RAPGEF1: variants seen among roughly 807,000 people sequenced by gnomAD.
The protein encoded by RAPGEF1 is Rap guanine nucleotide exchange factor 1, also known as CRK SH3-binding GNRP.
Under a neutral mutation model 143.3 loss-of-function variants are expected in RAPGEF1, and 33 were observed. The ratio of observed to expected loss-of-function variants is 0.23; its 90% CI spans 0.17 to 0.31. The LOEUF is 0.31. RAPGEF1 is among the 10% of genes least tolerant of loss of function. The pLI is 1.00. For missense variants in RAPGEF1, 1,199 were observed against 1,645.4 expected (o/e 0.73, Z 4.69); for synonymous variants, 629 against 676.5 (o/e 0.93, Z 1.09).
At chr9:131,700,409 T>C (rs1834540194) in intron 1 of RAPGEF1, among the ~76,000 whole-genome samples, 1 of 152,180 alleles carries the variant, frequency 6.6e-6, no homozygotes, top group African/African-American at 2.4e-5. Context: ...TCCCCTTCCC[T>C]GGCTCCTCTA....
chr9:131,694,722 C>A (rs1019000527), intron 1 of RAPGEF1, among the ~76,000 whole-genome samples: 2 of 151,832 alleles, frequency 1.3e-5, no homozygotes, highest in Non-Finnish European at 2.9e-5. Context: ...AGCTCTGCAA[C>A]CTGACCCCAT....
intron 11 of RAPGEF1, among the ~76,000 whole-genome samples, chr9:131,620,020 A>G (rs1028564396): frequency 8.5e-5 from 13 of 152,164 alleles, no homozygotes; most frequent in African/African-American, 2.9e-4. Flanking sequence ...GAGCTGTGGC[A>G]GGGACCATGT....
At chr9:131,717,427 G>A (rs761961004) in intron 1 of RAPGEF1, among the ~76,000 whole-genome samples, 5 of 152,186 alleles carry the variant, frequency 3.3e-5, no homozygotes, top group East Asian at 3.9e-4. Flanking sequence ...CTGGGCTCTG[G>A]TGAAATAGCA....
At chr9:131,730,563 C>T (rs533077861) in intron 1 of RAPGEF1, among the ~76,000 whole-genome samples, 25 of 151,416 alleles carry the variant, frequency 1.7e-4, no homozygotes, top group Admixed American at 5.3e-4. Context: ...GGCGTGGTGG[C>T]GGGCGCCTGT....
At chr9:131,591,880 G>A (rs1436367316) in intron 18 of RAPGEF1, among the ~76,000 whole-genome samples, 1 of 152,288 alleles carries the variant, frequency 6.6e-6, no homozygotes, top group East Asian at 1.9e-4. Context: ...CATTTCACTC[G>A]GCCCTTTTAG....
At position 131,604,913 on chromosome 9, in the gene RAPGEF1, T is replaced by TGTGC. The variant is rs1554815959; in HGVS notation, c.2319+17_2319+18insGCAC. 28 of 1,287,306 alleles carry TGTGC rather than the reference T, an allele frequency of 2.2e-5. No homozygotes were observed. The highest frequency in any genetic ancestry group is 2.8e-5 in the Non-Finnish European group (27 of 978,362). The allele number at this position is 1,287,306 out of a possible 1,614,324, so 79.7% of individuals were successfully genotyped here. A position where few individuals can be genotyped will look rare whatever the true frequency, so the allele number is the denominator to read the frequency against. ...GTGTGTGTGTGTGTGTGTGTGTGTGTGCACGCTGAGTTCTCACCGAGTCAG... is the reference window on the plus strand; with the variant it reads ...GTGTGTGTGTGTGTGTGTGTGTGTGTGTGCGCACGCTGAGTTCTCACCGAGTCAG... On this transcript the variant is annotated intron_variant, in intron 13 of 26. Coordinates refer to ENST00000683357, the MANE Select transcript of RAPGEF1 (RefSeq NM_001377935.1).
chr9:131,687,236 G>A (rs559650323), intron 1 of RAPGEF1, among the ~76,000 whole-genome samples: 86 of 152,196 alleles, frequency 5.7e-4, no homozygotes, highest in African/African-American at 1.9e-3. Context: ...TGTCCTCCCC[G>A]CTTGAATGCA....
At position 131,626,301 on chromosome 9, in the gene RAPGEF1, T is replaced by A. The variant is rs139099963; in HGVS notation, c.1323A>T (p.Pro441=). The A allele has an allele frequency of 6.2e-7, 1 of 1,613,744 alleles. No homozygotes were observed. Among genetic ancestry groups the A allele is most frequent in the Non-Finnish European group, 8.5e-7 (1 of 1,179,864 alleles). ...LPESLGESGS[P]FLGPPFQLPL... Reference sequence around the variant, plus strand: ...GCAGCTGGAAAGGAGGGCCAAGAAATGGAGACCCAGACTCCCCCAAAGACT... The same window carrying A: ...GCAGCTGGAAAGGAGGGCCAAGAAAAGGAGACCCAGACTCCCCCAAAGACT... The change falls in exon 10 of 27, where the codon CCA becomes CCT. Residue 441 remains proline (P), a synonymous_variant. Coordinates refer to ENST00000683357, the MANE Select transcript of RAPGEF1 (RefSeq NM_001377935.1).
chr9:131,739,798 CG>C lies in RAPGEF1; in HGVS notation c.32del (p.Pro11ArgfsTer22). On this transcript the variant is annotated frameshift_variant, in exon 1 of 27. Transcript: ENST00000683357. LOFTEE classifies it high-confidence loss of function. MSGGLGLRRS[P>X]EMSGKIEKAD... ...CTTTCTCGATCTTGCCGGACATTTC[CG>C]GGCTGCGCCGGAGGCCGAGGCCGCC... 1 of 1,160,216 alleles carries C rather than the reference CG, an allele frequency of 8.6e-7. No homozygotes were observed. Among genetic ancestry groups the C allele is most frequent in the South Asian group, 1.8e-5 (1 of 55,588 alleles). The allele number at this position is 1,160,216 out of a possible 1,614,324, so 71.9% of individuals were successfully genotyped here. A position where few individuals can be genotyped will look rare whatever the true frequency, so the allele number is the denominator to read the frequency against.
chr9:131,735,754 C>T (rs547405834), intron 1 of RAPGEF1, among the ~76,000 whole-genome samples: 92 of 152,194 alleles, frequency 6.0e-4, no homozygotes, highest in African/African-American at 1.8e-3. Context: ...TGGGAGTGTC[C>T]GCCACCTGAC....
chr9:131,704,454 C>T (rs2131149418), intron 1 of RAPGEF1, among the ~76,000 whole-genome samples: 1 of 152,154 alleles, frequency 6.6e-6, no homozygotes, highest in Admixed American at 6.5e-5. Context: ...GCAAATCCCA[C>T]AATCTGCCAA....
At chr9:131,722,960 G>C (rs1359545496) in intron 1 of RAPGEF1, among the ~76,000 whole-genome samples, 1 of 152,260 alleles carries the variant, frequency 6.6e-6, no homozygotes, top group Non-Finnish European at 1.5e-5. Flanking sequence ...TTGGGAGGCT[G>C]AGGCTGGCAG....
chr9:131,601,103 C>T (rs1003732134), intron 15 of RAPGEF1, among the ~76,000 whole-genome samples: 4 of 133,416 alleles, frequency 3.0e-5, no homozygotes, highest in East Asian at 2.3e-4. Context: ...GCCCGGGAGG[C>T]GGAAGTTGCA....
intron 10 of RAPGEF1, 39 bp from the exon 11 acceptor site, chr9:131,622,037 A>C (rs1262799403): frequency 6.4e-7 from 1 of 1,564,148 alleles, no homozygotes; most frequent in Non-Finnish European, 8.7e-7. Flanking sequence ...AGGCCGGGGG[A>C]GGCCACATCA....
At chr9:131,604,108 C>G in intron 13 of RAPGEF1, 55 bp from the exon 14 acceptor site, 1 of 1,167,390 alleles carries the variant, frequency 8.6e-7, no homozygotes, top group African/African-American at 1.6e-5. Flanking sequence ...CCAGCCGGCC[C>G]TCACAGCTGG....
intron 1 of RAPGEF1, among the ~76,000 whole-genome samples, chr9:131,702,031 A>T (rs1048930620): frequency 6.6e-6 from 1 of 152,208 alleles, no homozygotes; most frequent in Non-Finnish European, 1.5e-5. Flanking sequence ...GACGTTCTAC[A>T]CTAGTTGATT....
chr9:131,644,224 G>C (rs986339918), intron 3 of RAPGEF1, among the ~76,000 whole-genome samples: 1 of 152,056 alleles, frequency 6.6e-6, no homozygotes, highest in Non-Finnish European at 1.5e-5. Flanking sequence ...GGGAGGCCTT[G>C]GATCCAGTTG....
At chr9:131,739,742 A>T in intron 1 of RAPGEF1, 28 bp downstream of exon 1, 1 of 1,114,400 alleles carries the variant, frequency 9.0e-7, no homozygotes, top group Non-Finnish European at 1.1e-6. Flanking sequence ...GCCCGGCCGG[A>T]GGGAGCCGCC....
intron 1 of RAPGEF1, among the ~76,000 whole-genome samples, chr9:131,651,243 T>C (rs942325107): frequency 5.9e-5 from 9 of 152,180 alleles, no homozygotes; most frequent in Non-Finnish European, 1.2e-4. Flanking sequence ...CTAACTAACA[T>C]CCAAGGGAAC....
Sources: allele counts gnomAD v4.1 joint callset (sites outside exome capture counted in the v4.1 genomes callset), GRCh38; gene constraint gnomAD v4.1.1; transcripts MANE v1.5; gene names NCBI Gene and HGNC (gene_info 2026-07-23, HGNC 2026-07-21).